The following PPM1E variants were observed in gnomAD, a reference collection of about 807,000 sequenced individuals.
PPM1E encodes protein phosphatase, Mg2+/Mn2+ dependent 1E, also known as protein phosphatase 1E.
In PPM1E, 20 loss-of-function variants were observed where a neutral mutation model predicts 65.9. The ratio of observed to expected loss-of-function variants is 0.30; its 90% CI spans 0.21 to 0.44. The LOEUF (loss-of-function observed/expected upper bound fraction) is 0.44, where lower values mean the gene tolerates loss of function less well. Among genes scored for constraint, PPM1E ranks in the 20% least tolerant of loss-of-function variants. The pLI, the probability that PPM1E is intolerant of heterozygous loss-of-function variation, is 1.00. For synonymous variants in PPM1E, 352 were observed against 374.9 expected, an observed-to-expected ratio of 0.94 and a Z score of 0.70; for missense variants, 713 against 953.1, an observed-to-expected ratio of 0.75 and a Z score of 3.32.
chr17:58,920,413 C>T (rs189232883), intron 1 of PPM1E, among the ~76,000 whole-genome samples: 1 of 152,196 alleles, frequency 6.6e-6, no homozygotes, highest in Admixed American at 6.5e-5. Context: ...ATAACTAAAC[C>T]TTCATTTTAA....
intron 1 of PPM1E, among the ~76,000 whole-genome samples, chr17:58,797,173 ATGTT>A (rs1004209257): frequency 2.6e-5 from 4 of 152,174 alleles, no homozygotes; most frequent in African/African-American, 4.8e-5. Context: ...CTGTAGCTCA[ATGTT>A]TGTTTATTTT....
At chr17:58,838,018 A>G (rs2050680637) in intron 1 of PPM1E, among the ~76,000 whole-genome samples, 1 of 152,220 alleles carries the variant, frequency 6.6e-6, no homozygotes, top group Admixed American at 6.5e-5. Context: ...GAATGTAAAC[A>G]TAGATGTTAT....
chr17:58,854,935 C>G (rs1244822927), intron 1 of PPM1E, among the ~76,000 whole-genome samples: 2 of 152,162 alleles, frequency 1.3e-5, no homozygotes, highest in African/African-American at 4.8e-5. Flanking sequence ...AGAATCACAG[C>G]TTAGTAGAGC....
intron 2 of PPM1E, among the ~76,000 whole-genome samples, chr17:58,963,551 A>G (rs750076628): frequency 2.0e-5 from 3 of 150,472 alleles, no homozygotes; most frequent in Non-Finnish European, 4.4e-5. Context: ...AAAATGTGAG[A>G]AAAAAAAATT....
At chr17:58,772,939 C>T (rs1046691324) in intron 1 of PPM1E, among the ~76,000 whole-genome samples, 2 of 151,408 alleles carry the variant, frequency 1.3e-5, no homozygotes, top group African/African-American at 4.8e-5. Flanking sequence ...GCTATTAGAA[C>T]AGTGTCTTCT....
At chr17:58,961,238 A>G (rs1032471524) in intron 2 of PPM1E, among the ~76,000 whole-genome samples, 1 of 152,240 alleles carries the variant, frequency 6.6e-6, no homozygotes, top group Non-Finnish European at 1.5e-5. Context: ...TAAATGTTTA[A>G]TATTTTAATG....
At position 58,898,872 on chromosome 17, in the gene PPM1E, G is replaced by A. The variant is rs1443323046; in HGVS notation, c.465-56777G>A. ...TGTCCTTTGTAGCGACATGGATGAA[G>A]CCGGAAACCATCATTCTGAGCAAAC... On this transcript the variant is annotated intron_variant, in intron 1 of 6. Transcript: ENST00000308249. 1.3e-5 allele frequency among the ~76,000 whole-genome samples: 2 copies of A among 152,026 alleles called. 1 individual carries two copies. The highest frequency in any genetic ancestry group is 4.2e-4 in the South Asian group (2 of 4,808).
At chr17:58,960,022 T>A (rs575898452) in intron 2 of PPM1E, among the ~76,000 whole-genome samples, 1 of 152,356 alleles carries the variant, frequency 6.6e-6, no homozygotes, top group South Asian at 2.1e-4. Flanking sequence ...ATTTGTCAGT[T>A]GTACATGATT....
At chr17:58,853,421 T>C (rs1261056177) in intron 1 of PPM1E, among the ~76,000 whole-genome samples, 1 of 152,242 alleles carries the variant, frequency 6.6e-6, no homozygotes, top group Non-Finnish European at 1.5e-5. Flanking sequence ...TTACCATATA[T>C]GCAAGGATGC....
chr17:58,837,427 T>G, intron 1 of PPM1E, among the ~76,000 whole-genome samples: 1 of 151,600 alleles, frequency 6.6e-6, no homozygotes, highest in Non-Finnish European at 1.5e-5. Flanking sequence ...CTCAGAAAAA[T>G]TTATTGGACT....
At chr17:58,967,872 C>T (rs1173444420) in intron 3 of PPM1E, among the ~76,000 whole-genome samples, 20 of 150,960 alleles carry the variant, frequency 1.3e-4, no homozygotes, top group Admixed American at 8.6e-4. Context: ...GGCGCGATCT[C>T]GACTCACTGC....
intron 1 of PPM1E, among the ~76,000 whole-genome samples, chr17:58,883,607 C>T (rs1454893994): frequency 6.6e-6 from 1 of 150,948 alleles, no homozygotes; most frequent in Non-Finnish European, 1.5e-5. Context: ...CCTCAGCCTC[C>T]CGCGTAGCTG....
Position 58,952,486 on chromosome 17 carries a change from C to T in PPM1E, c.465-3163C>T, listed in dbSNP as rs566292116. On this transcript the variant is annotated intron_variant, in intron 1 of 6. Transcript: ENST00000308249. ...TGGGCAGGCCTAGGGTCATGGCCTC[C>T]AGGAATGGGCCTGTGAGGCTGTTTA... Among the ~76,000 whole-genome samples, 3 of 152,194 alleles carry T rather than the reference C, an allele frequency of 2.0e-5. No homozygotes were observed. The South Asian group carries it at 6.2e-4, about 32-fold the overall frequency.
chr17:58,923,798 C>G (rs929677381), intron 1 of PPM1E, among the ~76,000 whole-genome samples: 171 of 151,560 alleles, frequency 1.1e-3, no homozygotes, highest in Middle Eastern at 3.4e-3. Context: ...ACCATAATCC[C>G]AGCTACTCAG....
intron 1 of PPM1E, among the ~76,000 whole-genome samples, chr17:58,930,185 C>G (rs187085774): frequency 2.6e-5 from 4 of 151,520 alleles, no homozygotes; most frequent in African/African-American, 9.7e-5. Flanking sequence ...CACTTAAGTC[C>G]AGGAGTTCAA....
At chr17:58,810,645 T>C (rs1567840245) in intron 1 of PPM1E, among the ~76,000 whole-genome samples, 1 of 152,254 alleles carries the variant, frequency 6.6e-6, no homozygotes, top group African/African-American at 2.4e-5. Context: ...CTTATGGTTT[T>C]AGCTGCCTTT....
At chr17:58,812,159 C>T (rs1391706106) in intron 1 of PPM1E, among the ~76,000 whole-genome samples, 1 of 151,168 alleles carries the variant, frequency 6.6e-6, no homozygotes, top group East Asian at 1.9e-4. Flanking sequence ...TTCTAATTAG[C>T]CAGGTGTGGT....
At chr17:58,884,003 G>C (rs2051237548) in intron 1 of PPM1E, among the ~76,000 whole-genome samples, 1 of 152,152 alleles carries the variant, frequency 6.6e-6, no homozygotes, top group Non-Finnish European at 1.5e-5. Context: ...GAGGGCTTCT[G>C]ATCTTAGAAT....
chr17:58,955,787 A>G lies in PPM1E; in HGVS notation c.583+20A>G. 1.3e-6 allele frequency: 2 copies of G among 1,564,604 alleles called. No individual in the cohort carries two copies. The highest frequency in any genetic ancestry group is 1.7e-6 in the Non-Finnish European group (2 of 1,163,842). ...CTGTGGGTGAGTACCTTTCTACATT[A>G]TTTGTTTAAAAATACTAGAATCTTC... On this transcript the variant is annotated intron_variant, in intron 2 of 6. Coordinates refer to ENST00000308249, the MANE Select transcript of PPM1E (RefSeq NM_014906.5).
Sources: gnomAD v4.1 joint callset for allele counts (sites outside exome capture counted in the v4.1 genomes callset) on GRCh38, gnomAD v4.1.1 for gene constraint, MANE v1.5 for transcripts, NCBI Gene and HGNC (gene_info 2026-07-23, HGNC 2026-07-21) for gene names.